The following SAMMSON variants were observed in gnomAD, a reference collection of about 807,000 sequenced individuals.
SAMMSON encodes the protein long intergenic non-protein coding RNA 1212.
At chr3:70,035,612 C>A (rs1391966740) in intron 3 of SAMMSON, among the ~76,000 whole-genome samples, 1 of 152,176 alleles carries the variant, frequency 6.6e-6, no homozygotes, top group Non-Finnish European at 1.5e-5. Flanking sequence ...TAGACCATCA[C>A]AGCCTTTTAG....
At chr3:70,054,373 C>T (rs2067158424) in intron 3 of SAMMSON, among the ~76,000 whole-genome samples, 1 of 152,008 alleles carries the variant, frequency 6.6e-6, no homozygotes, top group African/African-American at 2.4e-5. Flanking sequence ...GAAGAGAGCC[C>T]AGCACATAAT....
At chr3:70,393,104 A>G (rs1203806728), downstream of SAMMSON, among the ~76,000 whole-genome samples, 1 of 152,232 alleles carries the variant, frequency 6.6e-6, no homozygotes, top group Non-Finnish European at 1.5e-5. Flanking sequence ...TAAATGTCTG[A>G]ATATGATCAT....
At chr3:70,140,898 G>A (rs946298614) in intron 4 of SAMMSON, among the ~76,000 whole-genome samples, 1 of 151,980 alleles carries the variant, frequency 6.6e-6, no homozygotes, top group African/African-American at 2.4e-5. Flanking sequence ...CGTTCTGTTC[G>A]TGACCACTTT....
chr3:70,293,649 A>G (rs974389064), intron 7 of SAMMSON, among the ~76,000 whole-genome samples: 3 of 152,078 alleles, frequency 2.0e-5, no homozygotes, highest in African/African-American at 7.2e-5. Context: ...ATTTTTTTGT[A>G]GGCCTGTTCC....
intron 7 of SAMMSON, among the ~76,000 whole-genome samples, chr3:70,292,900 T>C (rs1303684649): frequency 1.3e-5 from 2 of 152,010 alleles, no homozygotes; most frequent in African/African-American, 4.8e-5. Flanking sequence ...ATAATAGCTT[T>C]AGAATATTTA....
At chr3:70,433,861 T>C (rs1239612654) in intron 2 of SAMMSON, among the ~76,000 whole-genome samples, 2 of 152,156 alleles carry the variant, frequency 1.3e-5, no homozygotes, top group Admixed American at 1.3e-4. Flanking sequence ...TTTTTTTGGA[T>C]GTAGATAGTT....
intron 4 of SAMMSON, among the ~76,000 whole-genome samples, chr3:70,210,528 A>G (rs1278556852): frequency 2.0e-5 from 3 of 152,106 alleles, no homozygotes; most frequent in African/African-American, 7.2e-5. Context: ...TCAGATTCAG[A>G]TTCCTTCCTT....
At chr3:70,076,579 A>T (rs1271910323) in intron 4 of SAMMSON, among the ~76,000 whole-genome samples, 2 of 152,118 alleles carry the variant, frequency 1.3e-5, no homozygotes, top group African/African-American at 2.4e-5. Flanking sequence ...TCCATTGGCA[A>T]GTTTACCCAC....
intron 4 of SAMMSON, chr3:70,196,901 G>C: frequency 2.5e-6 from 1 of 398,494 alleles, no homozygotes; most frequent in Non-Finnish European, 4.4e-6. Flanking sequence ...CAAAAGGACT[G>C]CCGGAATGTG....
At chr3:70,062,539 A>G (rs1159067428) in intron 3 of SAMMSON, among the ~76,000 whole-genome samples, 1 of 152,108 alleles carries the variant, frequency 6.6e-6, no homozygotes, top group African/African-American at 2.4e-5. Flanking sequence ...TGCTCAGTAC[A>G]TATTTGTCAG....
chr3:70,155,214 T>C (rs1394891565), intron 4 of SAMMSON, among the ~76,000 whole-genome samples: 2 of 151,974 alleles, frequency 1.3e-5, no homozygotes, highest in South Asian at 4.1e-4. Context: ...CAAGGGTCCC[T>C]AGGGGCCTTT....
At chr3:70,019,326 C>T (rs1292698022) in intron 3 of SAMMSON, among the ~76,000 whole-genome samples, 4 of 152,138 alleles carry the variant, frequency 2.6e-5, no homozygotes, top group Non-Finnish European at 5.9e-5. Context: ...GTTCCCTTTA[C>T]CATTATGTAA....
intron 9 of SAMMSON, among the ~76,000 whole-genome samples, chr3:70,380,380 T>C (rs1703055418): frequency 6.6e-6 from 1 of 152,128 alleles, no homozygotes; most frequent in African/African-American, 2.4e-5. Context: ...AACATACTAT[T>C]TGAATTGGAA....
At chr3:70,409,876 G>A (rs991643756) in intron 2 of SAMMSON, among the ~76,000 whole-genome samples, 2 of 152,030 alleles carry the variant, frequency 1.3e-5, no homozygotes, top group Non-Finnish European at 2.9e-5. Context: ...TTTGTTACAT[G>A]GGTATATTTT....
chr3:70,274,083 G>A (rs1035603233), intron 6 of SAMMSON, among the ~76,000 whole-genome samples: 4 of 148,312 alleles, frequency 2.7e-5, no homozygotes, highest in Non-Finnish European at 5.9e-5. Flanking sequence ...GTGTGTGTGT[G>A]TGTGTGTGCG....
intron 7 of SAMMSON, among the ~76,000 whole-genome samples, chr3:70,296,786 T>A (rs1383390374): frequency 6.6e-6 from 1 of 152,100 alleles, no homozygotes. Flanking sequence ...TTTCTTCCAA[T>A]CTGCTTTTTC....
chr3:70,202,796 C>T (rs548531940), intron 4 of SAMMSON, among the ~76,000 whole-genome samples: 30 of 152,134 alleles, frequency 2.0e-4, no homozygotes, highest in Non-Finnish European at 4.0e-4. Flanking sequence ...AGAATTAACA[C>T]AGCTTCCAGA....
intron 3 of SAMMSON, among the ~76,000 whole-genome samples, chr3:70,037,958 A>G (rs117854071): frequency 6.6e-6 from 1 of 152,304 alleles, no homozygotes; most frequent in East Asian, 1.9e-4. Flanking sequence ...GCACTTCCAT[A>G]CTGGGGATTA....
intron 4 of SAMMSON, among the ~76,000 whole-genome samples, chr3:70,225,184 C>T (rs1033050395): frequency 1.3e-5 from 2 of 151,332 alleles, no homozygotes; most frequent in Non-Finnish European, 2.9e-5. Context: ...AACTAGTCCA[C>T]AAAAGAAATT....
Sources: allele counts gnomAD v4.1 joint callset (sites outside exome capture counted in the v4.1 genomes callset), GRCh38; gene constraint gnomAD v4.1.1; transcripts MANE v1.5; gene names NCBI Gene and HGNC (gene_info 2026-07-23, HGNC 2026-07-21).